Variants in CDH22 observed in about 807,000 individuals in gnomAD.
The protein encoded by CDH22 is cadherin 22, also known as cadherin-22.
In CDH22, 30 loss-of-function variants were observed where a neutral mutation model predicts 58.4. The ratio of observed to expected loss-of-function variants is 0.51; its 90% confidence interval spans 0.38 to 0.70. The LOEUF (loss-of-function observed/expected upper bound fraction) is 0.70. Among genes scored for constraint, CDH22 ranks in the 30% least tolerant of loss-of-function variants. CDH22 has a pLI of 0.00. For missense variants in CDH22, 1,014 were observed against 1,233.9 expected, an observed-to-expected ratio of 0.82 and a Z score of 2.67; for synonymous variants, 513 against 558.2, an observed-to-expected ratio of 0.92 and a Z score of 1.14.
At chr20:46,208,213 G>A (rs965715553) in intron 7 of CDH22, among the ~76,000 whole-genome samples, 4 of 152,086 alleles carry the variant, frequency 2.6e-5, no homozygotes, top group Middle Eastern at 3.2e-3. Context: ...CATCCCCCCA[G>A]CCCCTAACCT....
chr20:46,212,730 G>C (rs1244026398), intron 6 of CDH22, among the ~76,000 whole-genome samples: 1 of 152,226 alleles, frequency 6.6e-6, no homozygotes, highest in African/African-American at 2.4e-5. Flanking sequence ...ACACGTCAGA[G>C]TGTTTGAGGG....
Position 46,308,462 on chromosome 20 carries a change from TGAGC to T in CDH22, c.-611_-608del. The stretch of plus-strand genomic sequence containing the variant: ...GCGAGAGAGCGAGAGAGCGAGGGAG[TGAGC>T]GAGCGAGCGGGAGCGAGGGAGTGTG... On this transcript the variant is annotated 5_prime_UTR_variant, in exon 1 of 12. Coordinates refer to ENST00000537909, the MANE Select transcript of CDH22 (RefSeq NM_021248.3). The surrounding 1 kb of genome is among the most constrained non-coding windows in gnomAD (Gnocchi z 4.3). 2 of 213,444 alleles carry T rather than the reference TGAGC, an allele frequency of 9.4e-6. No individual in the cohort carries two copies. Among genetic ancestry groups the T allele is most frequent in the South Asian group, 1.8e-4 (1 of 5,578 alleles). The allele number at this position is 213,444 out of a possible 1,614,324, so 13.2% of individuals were successfully genotyped here. A position where few individuals can be genotyped will look rare whatever the true frequency, so the allele number is the denominator to read the frequency against.
At chr20:46,255,275 G>A (rs1057359993) in intron 1 of CDH22, among the ~76,000 whole-genome samples, 2 of 152,202 alleles carry the variant, frequency 1.3e-5, no homozygotes, top group Non-Finnish European at 1.5e-5. Context: ...GCCTCCCAAA[G>A]TGCTGGGATT....
Position 46,178,155 on chromosome 20 carries a change from C to T in CDH22, c.1706G>A (p.Arg569Gln), listed in dbSNP as rs769522555. The T allele has an allele frequency of 2.5e-6, 4 of 1,613,914 alleles. No individual in the cohort carries two copies. Among genetic ancestry groups the T allele is most frequent in the East Asian group, 2.2e-5 (1 of 44,876 alleles). ...AVHTQHVGFN[R>Q]QEQDVFFLPI... ...CAGGAAGAACACGTCCTGCTCCTGCCGGTTGAAGCCCACGTGCTGCGTGTG... is the reference window on the plus strand; with the variant it reads ...CAGGAAGAACACGTCCTGCTCCTGCTGGTTGAAGCCCACGTGCTGCGTGTG... The change falls in exon 11 of 12, where the codon CGG becomes CAG. Residue 569 changes from arginine (R) to glutamine (Q), a missense_variant. Coordinates refer to ENST00000537909, the MANE Select transcript of CDH22 (RefSeq NM_021248.3).
chr20:46,258,762 C>G (rs2086418167), intron 1 of CDH22, among the ~76,000 whole-genome samples: 1 of 152,226 alleles, frequency 6.6e-6, no homozygotes, highest in Non-Finnish European at 1.5e-5. Flanking sequence ...TGCTCTGGGT[C>G]CTGTTGAGGC....
intron 8 of CDH22, among the ~76,000 whole-genome samples, chr20:46,190,622 A>T (rs1449171444): frequency 6.6e-6 from 1 of 152,256 alleles, no homozygotes; most frequent in Non-Finnish European, 1.5e-5. Context: ...AGTAGCTGCA[A>T]TATGTTGTGT....
At chr20:46,270,520 C>T (rs1030476115) in intron 1 of CDH22, among the ~76,000 whole-genome samples, 10 of 152,112 alleles carry the variant, frequency 6.6e-5, no homozygotes, top group African/African-American at 1.2e-4. Context: ...GAAAGGGGGG[C>T]GAGACTGGCA....
chr20:46,240,550 G>T (rs533213149), intron 3 of CDH22, among the ~76,000 whole-genome samples: 1 of 152,282 alleles, frequency 6.6e-6, no homozygotes, highest in South Asian at 2.1e-4. Flanking sequence ...ACTCTGTCCA[G>T]CTGTGCCTGT....
rs1471217598 is a variant in CDH22 at position 46,221,271 on chromosome 20, T to G, written c.671-4278A>C. Among the ~76,000 whole-genome samples, 3 of 103,128 alleles carry G rather than the reference T, an allele frequency of 2.9e-5. No homozygotes were observed. In the Admixed American group the frequency reaches 3.7e-4, roughly 13 times the overall value. 67.7% of individuals were successfully genotyped at this position (103,128 alleles called of 152,430 possible). A position where few individuals can be genotyped will look rare whatever the true frequency, so the allele number is the denominator to read the frequency against. ...GCTTTAAGCTACCAGGTTTTGGGTTTTTTTTTTTCTTTTTTTTTTTTTTTT... is the reference window on the plus strand; with the variant it reads ...GCTTTAAGCTACCAGGTTTTGGGTTGTTTTTTTTCTTTTTTTTTTTTTTTT... On this transcript the variant is annotated intron_variant, in intron 4 of 11. Coordinates refer to ENST00000537909, the MANE Select transcript of CDH22 (RefSeq NM_021248.3).
intron 1 of CDH22, among the ~76,000 whole-genome samples, chr20:46,264,510 T>C (rs1165334892): frequency 6.6e-6 from 1 of 152,226 alleles, no homozygotes; most frequent in East Asian, 1.9e-4. Flanking sequence ...GATTGAATCC[T>C]CACAATAGCT....
In CDH22 at chr20:46,215,052, T is replaced by G. The variant is rs116110705; in HGVS notation, c.838+1774A>C. Among the ~76,000 whole-genome samples the G allele has an allele frequency of 4.5e-3, 690 of 152,354 alleles. 5 individuals carry two copies. Among genetic ancestry groups the G allele is most frequent in the African/African-American group, 0.016 (672 of 41,584 alleles). ...AGAACGTGACAGTACCAGGAGTCAG[T>G]GAGGATGTGGTACAATGGACATGTG... On this transcript the variant is annotated intron_variant, in intron 5 of 11. Coordinates refer to ENST00000537909, the MANE Select transcript of CDH22 (RefSeq NM_021248.3).
intron 3 of CDH22, among the ~76,000 whole-genome samples, chr20:46,233,948 G>A (rs1355783430): frequency 2.0e-5 from 3 of 152,198 alleles, no homozygotes; most frequent in African/African-American, 7.2e-5. Context: ...TTGGGCCTGC[G>A]GGCTGCTGAG....
At chr20:46,290,126 C>A (rs2086594124) in intron 1 of CDH22, among the ~76,000 whole-genome samples, 1 of 152,182 alleles carries the variant, frequency 6.6e-6, no homozygotes, top group African/African-American at 2.4e-5. Context: ...GAAATGAAAA[C>A]TTTGGTGAGA....
At chr20:46,259,266 A>G (rs1452753814) in intron 1 of CDH22, among the ~76,000 whole-genome samples, 1 of 152,230 alleles carries the variant, frequency 6.6e-6, no homozygotes, top group Non-Finnish European at 1.5e-5. Context: ...CCTCACATGT[A>G]CCATTTTCTC....
At chr20:46,213,218 G>A in intron 5 of CDH22, 30 bp from the exon 6 acceptor site, 1 of 1,600,168 alleles carries the variant, frequency 6.2e-7, no homozygotes, top group Non-Finnish European at 8.6e-7. Context: ...GAGCAGGGAT[G>A]AAGGCAGCCC....
Position 46,251,212 on chromosome 20 carries a change from GGCGGCA to G in CDH22, c.77_82del (p.Leu26_Pro27del), listed in dbSNP as rs1256503079. ...CAGGCGCCCCAGCAGCGTCGGCGGC[GGCGGCA>G]GCAGCAGCAGCAGCAGTAGCGCGGG... On this transcript the variant is annotated inframe_deletion, in exon 2 of 12. Coordinates refer to ENST00000537909, the MANE Select transcript of CDH22 (RefSeq NM_021248.3). The surrounding 1 kb of genome is among the most constrained non-coding windows in gnomAD (Gnocchi z 6.7). The G allele has an allele frequency of 2.0e-6, 3 of 1,468,248 alleles. No homozygotes were observed. Among genetic ancestry groups the G allele is most frequent in the Non-Finnish European group, 1.8e-6 (2 of 1,111,910 alleles). 91.0% of individuals were successfully genotyped at this position (1,468,248 alleles called of 1,614,324 possible).
At chr20:46,268,207 G>A (rs2425819) in intron 1 of CDH22, among the ~76,000 whole-genome samples, 46,095 of 152,214 alleles carry the variant, frequency 0.3, 8,399 homozygotes, top group Middle Eastern at 0.5. Context: ...AACTCGGGCC[G>A]ACCTCAGCCC....
intron 4 of CDH22, among the ~76,000 whole-genome samples, chr20:46,226,277 C>G (rs1414451097): frequency 3.6e-4 from 1 of 2,786 alleles, no homozygotes; most frequent in Non-Finnish European, 9.5e-4. Context: ...TCTTCTTCTT[C>G]TTCTTCTTCT....
At chr20:46,211,414 C>T (rs1164584214) in intron 6 of CDH22, among the ~76,000 whole-genome samples, 1 of 152,240 alleles carries the variant, frequency 6.6e-6, no homozygotes, top group African/African-American at 2.4e-5. Flanking sequence ...GCAGCAAAAA[C>T]AGCCGTGTCC....
Sources: gnomAD v4.1 joint callset for allele counts (sites outside exome capture counted in the v4.1 genomes callset) on GRCh38, gnomAD v4.1.1 for gene constraint, Gnocchi (gnomAD v3.1) non-coding constraint, MANE v1.5 for transcripts, NCBI Gene and HGNC (gene_info 2026-07-23, HGNC 2026-07-21) for gene names.